ESYT3: variants seen among roughly 807,000 people sequenced by gnomAD.
ESYT3 encodes the protein extended synaptotagmin-3.
In ESYT3, 101 loss-of-function variants were observed where a neutral mutation model predicts 111.5. The observed-to-expected ratio is 0.91, with a 90% CI of 0.77 to 1.07. The LOEUF (loss-of-function observed/expected upper bound fraction) is 1.07. ESYT3 is among the 50% of genes least tolerant of loss of function. ESYT3 has a pLI of 0.00. For synonymous variants in ESYT3, 416 were observed against 446.8 expected (o/e 0.93, Z 0.87); for missense variants, 1,097 against 1,109.4 (o/e 0.99, Z 0.16).
At chr3:138,451,099 AG>A in intron 1 of ESYT3, among the ~76,000 whole-genome samples, 1 of 152,344 alleles carries the variant, frequency 6.6e-6, no homozygotes, top group Non-Finnish European at 1.5e-5. Flanking sequence ...AGACTCCTGG[AG>A]GGGGATTAAG....
At chr3:138,472,126 T>G (rs991600623) in intron 17 of ESYT3, among the ~76,000 whole-genome samples, 3 of 152,244 alleles carry the variant, frequency 2.0e-5, no homozygotes, top group African/African-American at 4.8e-5. Context: ...AACAGAATTA[T>G]CCTTATTTTC....
chr3:138,458,680 G>C (rs1286233411), intron 4 of ESYT3, among the ~76,000 whole-genome samples: 1 of 152,216 alleles, frequency 6.6e-6, no homozygotes, highest in Non-Finnish European at 1.5e-5. Flanking sequence ...GTGGACTTGG[G>C]CTTCTGTGCT....
chr3:138,438,459 C>T (rs963069801), intron 1 of ESYT3, among the ~76,000 whole-genome samples: 6 of 152,126 alleles, frequency 3.9e-5, no homozygotes, highest in Non-Finnish European at 8.8e-5. Context: ...TTCTAATTTG[C>T]ACCAACTCCC....
intron 1 of ESYT3, among the ~76,000 whole-genome samples, chr3:138,443,126 C>G (rs1185584150): frequency 6.6e-6 from 1 of 152,124 alleles, no homozygotes; most frequent in African/African-American, 2.4e-5. Flanking sequence ...TGTCAGTGTT[C>G]TCATCACTGT....
At chr3:138,473,663 C>T in intron 19 of ESYT3, 29 bp downstream of exon 19, 1 of 1,590,154 alleles carries the variant, frequency 6.3e-7, no homozygotes, top group South Asian at 1.1e-5. Context: ...CAGGGAGGTC[C>T]TTTGGGAGCA....
chr3:138,474,871 T>C (rs561997579), intron 20 of ESYT3, among the ~76,000 whole-genome samples: 1 of 152,336 alleles, frequency 6.6e-6, no homozygotes, highest in East Asian at 1.9e-4. Flanking sequence ...TTGCTTTTGA[T>C]GGGCCAGTGG....
intron 3 of ESYT3, among the ~76,000 whole-genome samples, chr3:138,455,633 G>A (rs1042883478): frequency 1.3e-5 from 2 of 152,228 alleles, no homozygotes; most frequent in Admixed American, 6.5e-5. Context: ...GACACGCCAT[G>A]GTGGTAGCCA....
chr3:138,453,089 C>T (rs1178586430), intron 2 of ESYT3, among the ~76,000 whole-genome samples: 2 of 152,188 alleles, frequency 1.3e-5, no homozygotes, highest in African/African-American at 4.8e-5. Flanking sequence ...AGAGAACATT[C>T]TCAGCCTCTG....
At chr3:138,467,675 C>G in intron 11 of ESYT3, 66 bp downstream of exon 11, 2 of 1,443,314 alleles carry the variant, frequency 1.4e-6, no homozygotes, top group South Asian at 2.4e-5. Flanking sequence ...ACAGCTCCAG[C>G]AGCTTGCTTC....
Position 138,471,024 on chromosome 3 carries a change from C to T in ESYT3, c.1738C>T (p.Arg580Trp), listed in dbSNP as rs764669605. ...CCTCATCTCCATGAGGCTGGTGCTTCGGGTAAATCTCTCCGGTCCCCTGGG... is the reference window on the plus strand; with the variant it reads ...CCTCATCTCCATGAGGCTGGTGCTTTGGGTAAATCTCTCCGGTCCCCTGGG... ...DSLISMRLVL[R>W]FLQVEERELG... Residue 580 changes from arginine to tryptophan, a missense_variant and splice_region_variant, in exon 17 of 23, where the codon CGG (arginine) becomes TGG (tryptophan). By Grantham distance (101) the Arg-to-Trp change is moderately radical. Coordinates refer to ENST00000389567, the MANE Select transcript of ESYT3 (RefSeq NM_031913.5). The T allele has an allele frequency of 1.3e-5, 21 of 1,613,184 alleles. No individual in the cohort carries two copies. The highest frequency in any genetic ancestry group is 6.7e-5 in the East Asian group (3 of 44,886).
intron 1 of ESYT3, 142 bp from the exon 2 acceptor site, chr3:138,451,906 C>A: frequency 2.2e-6 from 2 of 891,178 alleles, no homozygotes; most frequent in Non-Finnish European, 3.6e-6. Flanking sequence ...GAGAGCGCAC[C>A]TGTGACCGAC....
At position 138,476,970 on chromosome 3, in the gene ESYT3, C is replaced by T; in HGVS notation, c.*116C>T. The T allele has an allele frequency of 1.4e-6, 1 of 713,228 alleles. No individual in the cohort carries two copies. The highest frequency in any genetic ancestry group is 1.8e-5 in the African/African-American group (1 of 54,630). 44.2% of individuals were successfully genotyped at this position (713,228 alleles called of 1,614,324 possible). A position where few individuals can be genotyped will look rare whatever the true frequency, so the allele number is the denominator to read the frequency against. On this transcript the variant is annotated 3_prime_UTR_variant, in exon 23 of 23. Coordinates refer to ENST00000389567, the MANE Select transcript of ESYT3 (RefSeq NM_031913.5). ...TATTTTGTCATTTAAATCAGAACAACCACTTGAAATTATATACATACAATT... is the reference window on the plus strand; with the variant it reads ...TATTTTGTCATTTAAATCAGAACAATCACTTGAAATTATATACATACAATT...
At chr3:138,474,575 G>A (rs1458034151) in intron 20 of ESYT3, 10 of 405,114 alleles carry the variant, frequency 2.5e-5, no homozygotes, top group Non-Finnish European at 4.3e-5. Flanking sequence ...AGAGGCTAAA[G>A]TGTTCCTGAA....
At chr3:138,443,641 CTGTG>C (rs1362625136) in intron 1 of ESYT3, among the ~76,000 whole-genome samples, 1 of 152,116 alleles carries the variant, frequency 6.6e-6, no homozygotes, top group Non-Finnish European at 1.5e-5. Flanking sequence ...TTTTAGGAAA[CTGTG>C]TGTGTCTTTG....
rs113991016 is a variant in ESYT3 at position 138,444,343 on chromosome 3, G to A, written c.328-7705G>A. ...TAGTGCGGGGAGGACAGCAGACGTC[G>A]GAGATCCTGGTGACTTGACCATGTG... On this transcript the variant is annotated intron_variant, in intron 1 of 22. Transcript: ENST00000389567. Among the ~76,000 whole-genome samples the A allele has an allele frequency of 5.6e-4, 86 of 152,260 alleles. 1 individual carries two copies. Among genetic ancestry groups the A allele is most frequent in the African/African-American group, 2.0e-3 (84 of 41,552 alleles).
Position 138,462,171 on chromosome 3 carries a change from C to T in ESYT3, c.880C>T (p.Leu294=). ...TGTGACTGTGCCTGTGAAGAAGGGGCTGGATCTGACCAACCTGCGCTTCCC... is the reference window on the plus strand; with the variant it reads ...TGTGACTGTGCCTGTGAAGAAGGGGTTGGATCTGACCAACCTGCGCTTCCC... ...NRVTVPVKKG[L]DLTNLRFPLP... Residue 294 remains leucine, a synonymous_variant, in exon 8 of 23, where the codon CTG becomes TTG. Coordinates refer to ENST00000389567, the MANE Select transcript of ESYT3 (RefSeq NM_031913.5). 6.2e-7 allele frequency: 1 copy of T among 1,614,182 alleles called. No homozygotes were observed. The highest frequency in any genetic ancestry group is 1.3e-5 in the African/African-American group (1 of 75,006).
rs990058218 is a variant in ESYT3 at position 138,468,988 on chromosome 3, C to T, written c.1434+107C>T. 3.4e-6 allele frequency: 4 copies of T among 1,190,514 alleles called. No individual in the cohort carries two copies. The African/African-American group carries it at 4.5e-5, about 13-fold the overall frequency. The allele number at this position is 1,190,514 out of a possible 1,614,324, so 73.7% of individuals were successfully genotyped here. On this transcript the variant is annotated intron_variant, in intron 14 of 22. Coordinates refer to ENST00000389567, the MANE Select transcript of ESYT3 (RefSeq NM_031913.5). The stretch of plus-strand genomic sequence containing the variant: ...TGGGCCACAGTCTGTGCACACACAG[C>T]CTGGGGATAACAAGAGGTGCTGATT...
At chr3:138,460,566 G>C (rs752111041) in intron 6 of ESYT3, 45 bp from the exon 7 acceptor site, 2 of 1,607,210 alleles carry the variant, frequency 1.2e-6, no homozygotes, top group South Asian at 2.2e-5. Flanking sequence ...TCAGCCCTGG[G>C]CTCCCAACCC....
intron 9 of ESYT3, 94 bp from the exon 10 acceptor site, chr3:138,465,245 C>T: frequency 2.3e-6 from 2 of 871,608 alleles, no homozygotes; most frequent in Non-Finnish European, 3.6e-6. Context: ...GGGTCAGGAA[C>T]CTGCTAGCGT....
Sources: gnomAD v4.1 joint callset for allele counts (sites outside exome capture counted in the v4.1 genomes callset) on GRCh38, gnomAD v4.1.1 for gene constraint, MANE v1.5 for transcripts, NCBI Gene and HGNC (gene_info 2026-07-23, HGNC 2026-07-21) for gene names.